The following AKR1D1 variants were observed in gnomAD, a reference collection of about 807,000 sequenced individuals.
AKR1D1 encodes the protein delta(4)-3-ketosteroid 5-beta-reductase.
A neutral mutation model predicts 42.6 loss-of-function variants in AKR1D1; 32 were observed. That is an observed-to-expected ratio of 0.75 (90% CI 0.57 to 1.01). AKR1D1 has a LOEUF of 1.01. Among genes scored for constraint, AKR1D1 ranks in the 50% least tolerant of loss-of-function variants. The probability of loss-of-function intolerance (pLI) is 0.00; values close to 1 mark genes in which losing one functional copy is unlikely to be tolerated. For missense variants in AKR1D1, 364 were observed against 402.2 expected, an observed-to-expected ratio of 0.91 and a Z score of 0.81; for synonymous variants, 123 against 135.5, an observed-to-expected ratio of 0.91 and a Z score of 0.64.
chr7:138,088,291 G>C (rs536149393), intron 1 of AKR1D1, among the ~76,000 whole-genome samples: 17 of 152,262 alleles, frequency 1.1e-4, no homozygotes, highest in African/African-American at 4.1e-4. Flanking sequence ...TCTTCAATCA[G>C]CTTGTGCCCT....
At chr7:138,093,716 T>C (rs762564882) in intron 3 of AKR1D1, among the ~76,000 whole-genome samples, 1 of 152,232 alleles carries the variant, frequency 6.6e-6, no homozygotes, top group Non-Finnish European at 1.5e-5. Flanking sequence ...TGATAAAGTG[T>C]AGTAGAACAA....
intron 4 of AKR1D1, chr7:138,098,299 A>T (rs1794223208): frequency 1.0e-5 from 2 of 200,894 alleles, no homozygotes; most frequent in Non-Finnish European, 2.0e-5. Context: ...AAACAAACTT[A>T]AAATGATACA....
intron 8 of AKR1D1, among the ~76,000 whole-genome samples, chr7:138,115,066 A>T (rs1439569843): frequency 6.6e-6 from 1 of 152,178 alleles, no homozygotes; most frequent in Non-Finnish European, 1.5e-5. Flanking sequence ...CATAAATAAC[A>T]CTTTCCTAGA....
At chr7:138,112,407 C>T (rs1280066555) in intron 7 of AKR1D1, among the ~76,000 whole-genome samples, 3 of 152,100 alleles carry the variant, frequency 2.0e-5, no homozygotes, top group Admixed American at 6.6e-5. Flanking sequence ...TTAAGTAAAT[C>T]GTGTTCCATC....
intron 4 of AKR1D1, among the ~76,000 whole-genome samples, chr7:138,098,521 A>C (rs1244642913): frequency 2.0e-5 from 3 of 152,102 alleles, no homozygotes; most frequent in African/African-American, 7.2e-5. Flanking sequence ...GAGGCAGGAG[A>C]ATTGCTTGAA....
chr7:138,114,747 A>T (rs1794603339), intron 8 of AKR1D1, among the ~76,000 whole-genome samples: 1 of 151,554 alleles, frequency 6.6e-6, no homozygotes, highest in African/African-American at 2.4e-5. Context: ...TCATATACAC[A>T]CACATGCATT....
At chr7:138,087,296 T>C (rs1049977689) in intron 1 of AKR1D1, among the ~76,000 whole-genome samples, 5 of 126,362 alleles carry the variant, frequency 4.0e-5, no homozygotes, top group Non-Finnish European at 8.9e-5. Context: ...CACCTCCCAT[T>C]AGGCCCTACC....
At chr7:138,085,724 G>C (rs1183803141) in intron 1 of AKR1D1, among the ~76,000 whole-genome samples, 1 of 152,092 alleles carries the variant, frequency 6.6e-6, no homozygotes, top group Non-Finnish European at 1.5e-5. Flanking sequence ...TGGGATTACA[G>C]GTGTGAGCCA....
At chr7:138,092,174 G>T (rs954101113) in intron 3 of AKR1D1, among the ~76,000 whole-genome samples, 4 of 152,112 alleles carry the variant, frequency 2.6e-5, no homozygotes, top group Non-Finnish European at 5.9e-5. Flanking sequence ...ACTCAGGCTT[G>T]GTTTCCAAGT....
At chr7:138,098,545 G>T (rs530546061) in intron 4 of AKR1D1, among the ~76,000 whole-genome samples, 1 of 152,256 alleles carries the variant, frequency 6.6e-6, no homozygotes, top group Non-Finnish European at 1.5e-5. Flanking sequence ...GGGAGGCAGA[G>T]GTTGCAGTGA....
At position 138,113,765 on chromosome 7, in the gene AKR1D1, T is replaced by C. The variant is rs1362573972; in HGVS notation, c.931T>C (p.Leu311=). ...ALNKNVRFVE[L]LMWRDHPEYP... is the part of the protein sequence containing the mutation. Reference sequence around the variant, plus strand: ...GAATAAAAATGTCCGCTTTGTAGAATTGCTCATGTAAGTTCCGGGGATCAT... The same window carrying C: ...GAATAAAAATGTCCGCTTTGTAGAACTGCTCATGTAAGTTCCGGGGATCAT... Residue 311 remains leucine (L), a synonymous_variant, in exon 8 of 9, where the codon TTG becomes CTG. Coordinates refer to ENST00000242375, the MANE Select transcript of AKR1D1 (RefSeq NM_005989.4). 31 of 1,613,874 alleles carry C rather than the reference T, an allele frequency of 1.9e-5. No homozygotes were observed. The highest frequency in any genetic ancestry group is 5.0e-5 in the Admixed American group (3 of 59,994).
intron 1 of AKR1D1, among the ~76,000 whole-genome samples, chr7:138,079,433 T>C (rs1427735114): frequency 1.3e-5 from 2 of 152,040 alleles, no homozygotes; most frequent in Non-Finnish European, 2.9e-5. Flanking sequence ...TCTTTATTTC[T>C]ACAAGAAAAA....
chr7:138,103,841 A>G (rs745719008), intron 4 of AKR1D1, among the ~76,000 whole-genome samples: 4 of 152,220 alleles, frequency 2.6e-5, no homozygotes, highest in Admixed American at 6.5e-5. Context: ...CAAAAAATTG[A>G]CAGAATACAG....
chr7:138,085,609 T>C (rs961922442), intron 1 of AKR1D1, among the ~76,000 whole-genome samples: 5 of 151,982 alleles, frequency 3.3e-5, no homozygotes, highest in African/African-American at 1.2e-4. Flanking sequence ...CACGCCTGGC[T>C]ACATTTTGTA....
intron 1 of AKR1D1, among the ~76,000 whole-genome samples, chr7:138,086,968 G>A (rs1488246857): frequency 4.6e-5 from 7 of 152,160 alleles, no homozygotes; most frequent in African/African-American, 1.4e-4. Context: ...AAACACATTC[G>A]TATATTTAAA....
Position 138,088,417 on chromosome 7 carries a change from G to A in AKR1D1, c.94-184G>A, listed in dbSNP as rs115881740. ...ACAGATGGTGTCTCCCACTGAGGGAGCGGAGGCCCCTGGGAGGTCAGTTTC... is the reference window on the plus strand; with the variant it reads ...ACAGATGGTGTCTCCCACTGAGGGAACGGAGGCCCCTGGGAGGTCAGTTTC... On this transcript the variant is annotated intron_variant, in intron 1 of 8. Coordinates refer to ENST00000242375, the MANE Select transcript of AKR1D1 (RefSeq NM_005989.4). 5.2e-3 allele frequency among the ~76,000 whole-genome samples: 786 copies of A among 152,314 alleles called. 8 individuals carry two copies. The highest frequency in any genetic ancestry group is 0.018 in the African/African-American group (740 of 41,550).
At chr7:138,097,813 T>C in intron 3 of AKR1D1, 53 bp from the exon 4 acceptor site, 1 of 1,339,090 alleles carries the variant, frequency 7.5e-7, no homozygotes, top group Non-Finnish European at 1.0e-6. Flanking sequence ...TATTATTTAA[T>C]TCCCAGATAT....
At chr7:138,108,609 A>G (rs983213768) in intron 7 of AKR1D1, among the ~76,000 whole-genome samples, 2 of 152,206 alleles carry the variant, frequency 1.3e-5, no homozygotes, top group African/African-American at 4.8e-5. Context: ...TTAATCACAT[A>G]AAAGTAAGGA....
chr7:138,085,734 A>G (rs1803161039), intron 1 of AKR1D1, among the ~76,000 whole-genome samples: 1 of 152,116 alleles, frequency 6.6e-6, no homozygotes, highest in Admixed American at 6.6e-5. Context: ...GGTGTGAGCC[A>G]CCATCCCCAG....
Sources: gnomAD v4.1 joint callset for allele counts (sites outside exome capture counted in the v4.1 genomes callset) on GRCh38, gnomAD v4.1.1 for gene constraint, MANE v1.5 for transcripts, NCBI Gene and HGNC (gene_info 2026-07-23, HGNC 2026-07-21) for gene names.